RTTN: variants seen among roughly 807,000 people sequenced by gnomAD.
RTTN encodes rotatin.
RTTN carries 182 observed loss-of-function variants against 269.2 expected under a neutral mutation model. The ratio of observed to expected loss-of-function variants is 0.68; its 90% CI spans 0.60 to 0.76. RTTN has a LOEUF of 0.76. RTTN is among the 30% of genes least tolerant of loss of function. The pLI is 0.00. For synonymous variants in RTTN, 1,006 were observed against 963.5 expected, an observed-to-expected ratio of 1.04 and a Z score of -0.82; for missense variants, 2,545 against 2,608.6, an observed-to-expected ratio of 0.98 and a Z score of 0.53.
chr18:70,150,561 GA>G, intron 15 of RTTN, 46 bp downstream of exon 15: 14 of 1,573,308 alleles, frequency 8.9e-6, no homozygotes, highest in Non-Finnish European at 1.2e-5. Flanking sequence ...TGATTTAGCT[GA>G]GTATCTAAGT....
chr18:70,016,847 C>A (rs960687296), intron 46 of RTTN, among the ~76,000 whole-genome samples: 4 of 151,896 alleles, frequency 2.6e-5, no homozygotes, highest in Non-Finnish European at 5.9e-5. Context: ...ACAAAGCAGA[C>A]AAAAGCCTCC....
intron 40 of RTTN, among the ~76,000 whole-genome samples, chr18:70,043,348 A>G (rs187929168): frequency 6.6e-6 from 1 of 152,272 alleles, no homozygotes; most frequent in East Asian, 1.9e-4. Context: ...TAAATTTAAT[A>G]CCATTCACGC....
chr18:70,110,777 C>A (rs1352346346), intron 27 of RTTN, among the ~76,000 whole-genome samples: 1 of 152,242 alleles, frequency 6.6e-6, no homozygotes, highest in Non-Finnish European at 1.5e-5. Flanking sequence ...GCAGGTCCCA[C>A]TCCCACGGAG....
chr18:70,055,920 C>T (rs1395573935), intron 37 of RTTN, among the ~76,000 whole-genome samples: 4 of 152,190 alleles, frequency 2.6e-5, no homozygotes, highest in Admixed American at 1.3e-4. Context: ...CTCTGGCCAC[C>T]CCATCTGCCG....
chr18:70,139,078 T>G (rs1224475253), intron 21 of RTTN: 1 of 151,092 alleles, frequency 6.6e-6, no homozygotes, highest in Non-Finnish European at 1.5e-5. Flanking sequence ...TAAATTAGAA[T>G]CAAATTAAAA....
At chr18:70,194,557 T>A (rs533501826) in intron 7 of RTTN, 1 of 152,256 alleles carries the variant, frequency 6.6e-6, no homozygotes, top group South Asian at 2.1e-4. Context: ...ACAACCCACA[T>A]GTCCATCGAC....
chr18:70,182,264 C>CT (rs1440767363), intron 10 of RTTN, among the ~76,000 whole-genome samples: 1 of 152,026 alleles, frequency 6.6e-6, no homozygotes, highest in Non-Finnish European at 1.5e-5. Flanking sequence ...GTTTGGGTTT[C>CT]TTTCTTACAT....
At chr18:70,167,152 G>A in intron 12 of RTTN, 121 bp from the exon 13 acceptor site, 2 of 640,566 alleles carry the variant, frequency 3.1e-6, no homozygotes, top group Middle Eastern at 5.0e-4. Flanking sequence ...GTTTACATTT[G>A]TTTAAGTCCA....
At chr18:70,032,165 G>A (rs900523068) in intron 40 of RTTN, among the ~76,000 whole-genome samples, 1 of 152,312 alleles carries the variant, frequency 6.6e-6, no homozygotes, top group African/African-American at 2.4e-5. Flanking sequence ...TTTATCCCTA[G>A]GGGAACTGTG....
chr18:70,025,772 G>A (rs2056836667), intron 43 of RTTN, among the ~76,000 whole-genome samples: 2 of 152,176 alleles, frequency 1.3e-5, no homozygotes, highest in South Asian at 2.1e-4. Context: ...TAGTTTATCT[G>A]TATTTTCATC....
At chr18:70,193,494 A>C (rs1471261663) in intron 7 of RTTN, 41 bp from the exon 8 acceptor site, 1 of 1,326,178 alleles carries the variant, frequency 7.5e-7, no homozygotes, top group Non-Finnish European at 1.0e-6. Flanking sequence ...CTTTAGTAGA[A>C]ACAGACTTCT....
At chr18:70,137,160 A>G (rs1447238979) in intron 21 of RTTN, among the ~76,000 whole-genome samples, 3 of 152,306 alleles carry the variant, frequency 2.0e-5, no homozygotes, top group African/African-American at 2.4e-5. Context: ...AATTTTTACA[A>G]TGGGGATGTA....
chr18:70,112,529 A>G (rs189128293), intron 27 of RTTN, among the ~76,000 whole-genome samples: 1 of 149,036 alleles, frequency 6.7e-6, no homozygotes, highest in East Asian at 2.0e-4. Flanking sequence ...TATCTCTGAT[A>G]CAAAAGACTT....
chr18:70,109,674 G>A lies in RTTN; in HGVS notation c.3727C>T (p.Leu1243=). The change falls in exon 28 of 49, where the codon CTG becomes TTG. Residue 1243 remains leucine, a synonymous_variant. Coordinates refer to ENST00000640769, the MANE Select transcript of RTTN (RefSeq NM_173630.4). Reference sequence around the variant, plus strand: ...ACTTTCAGACACTGGAGCAGTTTCAGAGCCAGCTGCGTTTGAAAAACGTAA... The same window carrying A: ...ACTTTCAGACACTGGAGCAGTTTCAAAGCCAGCTGCGTTTGAAAAACGTAA... ...LLYVFQTQLA[L]KLLQCLKVTD... 6.2e-7 allele frequency: 1 copy of A among 1,614,138 alleles called. No individual in the cohort carries two copies. Among genetic ancestry groups the A allele is most frequent in the Non-Finnish European group, 8.5e-7 (1 of 1,180,032 alleles).
chr18:70,164,669 G>T (rs1230664888), intron 14 of RTTN, among the ~76,000 whole-genome samples: 1 of 152,058 alleles, frequency 6.6e-6, no homozygotes, highest in African/African-American at 2.4e-5. Context: ...AGGCTTAAAA[G>T]ACACAAAGGG....
chr18:70,169,082 A>G lies in RTTN; in HGVS notation c.1477-15T>C. 1 of 1,553,844 alleles carries G rather than the reference A, an allele frequency of 6.4e-7. No homozygotes were observed. Among genetic ancestry groups the G allele is most frequent in the Non-Finnish European group, 8.7e-7 (1 of 1,154,776 alleles). On this transcript the variant is annotated splice_polypyrimidine_tract_variant and intron_variant, in intron 11 of 48. Transcript: ENST00000640769. ...AACTCGCTTGCCTTGGTGAATTAAAAAAACAAAAAAATTAAAACTTTGTTT... is the reference window on the plus strand; with the variant it reads ...AACTCGCTTGCCTTGGTGAATTAAAGAAACAAAAAAATTAAAACTTTGTTT...
intron 41 of RTTN, among the ~76,000 whole-genome samples, chr18:70,030,317 A>C (rs1456043889): frequency 6.6e-6 from 1 of 152,214 alleles, no homozygotes; most frequent in African/African-American, 2.4e-5. Flanking sequence ...GTTTTTAGTA[A>C]GATACTACCC....
Position 70,114,593 on chromosome 18 carries a change from T to C in RTTN, c.3535A>G (p.Asn1179Asp). 1 of 1,606,630 alleles carries C rather than the reference T, an allele frequency of 6.2e-7. No individual in the cohort carries two copies. The highest frequency in any genetic ancestry group is 8.5e-7 in the Non-Finnish European group (1 of 1,177,884). ...AGAACCAAGAGGTCTAACAGTGGGT[T>C]TGCACTCTAAAAAATGAAATTTGTA... ...ILELLLRHSA[N>D]PLLDLLVLTE... The change falls in exon 27 of 49, where the codon AAC becomes GAC. Residue 1179 changes from asparagine to aspartate, a missense_variant. Physicochemically the swap from Asn to Asp is conservative, Grantham distance 23. Transcript: ENST00000640769.
chr18:70,089,918 A>C (rs947079291), intron 30 of RTTN, among the ~76,000 whole-genome samples: 51 of 152,192 alleles, frequency 3.4e-4, no homozygotes, highest in Non-Finnish European at 5.9e-5. Flanking sequence ...GGGTAAGCAA[A>C]AAGAAACAAG....
Sources: gnomAD v4.1 joint callset for allele counts (sites outside exome capture counted in the v4.1 genomes callset) on GRCh38, gnomAD v4.1.1 for gene constraint, MANE v1.5 for transcripts, NCBI Gene and HGNC (gene_info 2026-07-23, HGNC 2026-07-21) for gene names.